CACNA2D1: variants seen among roughly 807,000 people sequenced by gnomAD.
The protein encoded by CACNA2D1 is voltage-dependent calcium channel subunit alpha-2/delta-1.
A neutral mutation model predicts 171.5 loss-of-function variants in CACNA2D1; 53 were observed. The observed-to-expected ratio is 0.31, with a 90% confidence interval of 0.25 to 0.39. The LOEUF is 0.39. Among genes scored for constraint, CACNA2D1 ranks in the 10% least tolerant of loss-of-function variants. The pLI is 1.00. For missense variants in CACNA2D1, 903 were observed against 1,299.8 expected (o/e 0.69, Z 4.69); for synonymous variants, 442 against 443.1 (o/e 1.00, Z 0.03).
chr7:82,192,088 A>T (rs1165832774), intron 3 of CACNA2D1, among the ~76,000 whole-genome samples: 1 of 151,728 alleles, frequency 6.6e-6, no homozygotes, highest in Non-Finnish European at 1.5e-5. Flanking sequence ...GTACTATCAG[A>T]TACATAACTT....
At position 81,957,335 on chromosome 7, in the gene CACNA2D1, T is replaced by A. The variant is rs374776039; in HGVS notation, c.3159+1940A>T. Reference sequence around the variant, plus strand: ...ATCAGCTATTTACAAAACAACAACATTGGTCCTGAGATTTTAATAACCTGG... The same window carrying A: ...ATCAGCTATTTACAAAACAACAACAATGGTCCTGAGATTTTAATAACCTGG... On this transcript the variant is annotated intron_variant, in intron 38 of 38. Transcript: ENST00000356860. 3.9e-5 allele frequency among the ~76,000 whole-genome samples: 6 copies of A among 152,200 alleles called. No homozygotes were observed. The South Asian group carries it at 1.0e-3, about 26-fold the overall frequency.
intron 1 of CACNA2D1, among the ~76,000 whole-genome samples, chr7:82,433,187 C>CAA (rs3216244): frequency 2.4e-5 from 3 of 122,962 alleles, no homozygotes; most frequent in Non-Finnish European, 3.5e-5. Flanking sequence ...GACTCCATCT[C>CAA]AAAAAAAAAA....
At chr7:82,368,086 C>T (rs977280689) in intron 1 of CACNA2D1, among the ~76,000 whole-genome samples, 1 of 152,110 alleles carries the variant, frequency 6.6e-6, no homozygotes, top group African/African-American at 2.4e-5. Flanking sequence ...CTCTGTCCCC[C>T]GACACCAGCT....
chr7:82,019,203 C>T (rs567404650), intron 12 of CACNA2D1, among the ~76,000 whole-genome samples: 60 of 151,830 alleles, frequency 4.0e-4, no homozygotes, highest in African/African-American at 1.3e-3. Flanking sequence ...ACCTGTAATC[C>T]CAGGTACTTG....
chr7:82,169,735 A>G (rs1461686658), intron 4 of CACNA2D1, among the ~76,000 whole-genome samples: 1 of 152,028 alleles, frequency 6.6e-6, no homozygotes, highest in Non-Finnish European at 1.5e-5. Context: ...GCAGTTGTTT[A>G]CATCCCCAAA....
chr7:82,030,691 C>T (rs953788363), intron 12 of CACNA2D1, among the ~76,000 whole-genome samples: 3 of 151,704 alleles, frequency 2.0e-5, no homozygotes, highest in East Asian at 1.9e-4. Context: ...ACACTTAGTA[C>T]CTATTAAAAT....
rs557917420 is a variant in CACNA2D1, at chr7:82,263,937, GT to G, written c.294+71197del. On this transcript the variant is annotated intron_variant, in intron 3 of 38. Transcript: ENST00000356860. ...GGCTATAAATAAACACATAATATGGGTTTTTTTTTTCCTCTGAAAATTTGGA... is the reference window on the plus strand; with the variant it reads ...GGCTATAAATAAACACATAATATGGGTTTTTTTTTCCTCTGAAAATTTGGA... Among the ~76,000 whole-genome samples, 597 of 148,960 alleles carry G rather than the reference GT, an allele frequency of 4.0e-3. 2 individuals carry two copies. Among genetic ancestry groups the G allele is most frequent in the Middle Eastern group, 0.014 (4 of 290 alleles).
intron 1 of CACNA2D1, among the ~76,000 whole-genome samples, chr7:82,384,824 T>C (rs73155184): frequency 0.22 from 33,273 of 152,132 alleles, 4,026 homozygotes; most frequent in South Asian, 0.37. Flanking sequence ...CAACAAAAAA[T>C]ATATCTCACT....
chr7:82,103,094 G>C (rs569058682), intron 6 of CACNA2D1, among the ~76,000 whole-genome samples: 2 of 152,198 alleles, frequency 1.3e-5, no homozygotes, highest in South Asian at 2.1e-4. Context: ...GATCACTTGA[G>C]GGCACGAGTT....
chr7:82,048,228 T>C (rs1388737448), intron 10 of CACNA2D1, among the ~76,000 whole-genome samples: 2 of 152,118 alleles, frequency 1.3e-5, no homozygotes, highest in East Asian at 1.9e-4. Context: ...TATATACATC[T>C]GGAAAACTTA....
At chr7:82,094,342 C>T (rs970374002) in intron 6 of CACNA2D1, among the ~76,000 whole-genome samples, 8 of 152,046 alleles carry the variant, frequency 5.3e-5, no homozygotes, top group African/African-American at 1.9e-4. Context: ...TCTAAGACAA[C>T]ATGAGGTTAA....
chr7:82,406,794 GT>G (rs1396015183), intron 1 of CACNA2D1, among the ~76,000 whole-genome samples: 1 of 152,058 alleles, frequency 6.6e-6, no homozygotes, highest in Non-Finnish European at 1.5e-5. Context: ...CTGGATATTA[GT>G]TTTGGGGACA....
intron 24 of CACNA2D1, among the ~76,000 whole-genome samples, chr7:81,979,230 G>A (rs1281712230): frequency 6.6e-6 from 1 of 151,954 alleles, no homozygotes; most frequent in African/African-American, 2.4e-5. Context: ...TCTTTATGAT[G>A]ATGAAAATGT....
intron 3 of CACNA2D1, among the ~76,000 whole-genome samples, chr7:82,324,537 G>C (rs191046775): frequency 4.5e-4 from 69 of 152,114 alleles, no homozygotes; most frequent in Non-Finnish European, 8.1e-4. Flanking sequence ...TCAAGAGGTC[G>C]TAAACACAGC....
intron 3 of CACNA2D1, among the ~76,000 whole-genome samples, chr7:82,231,634 T>C (rs1476073579): frequency 1.3e-5 from 2 of 152,120 alleles, no homozygotes; most frequent in Non-Finnish European, 2.9e-5. Flanking sequence ...AAAAATGTAC[T>C]AGATCAGATT....
At chr7:82,174,255 A>G (rs1285562620) in intron 3 of CACNA2D1, among the ~76,000 whole-genome samples, 1 of 151,948 alleles carries the variant, frequency 6.6e-6, no homozygotes, top group Admixed American at 6.6e-5. Context: ...ACTGAGCACC[A>G]CACAGAAATA....
At chr7:82,214,414 G>T (rs77405380) in intron 3 of CACNA2D1, among the ~76,000 whole-genome samples, 5 of 151,138 alleles carry the variant, frequency 3.3e-5, no homozygotes, top group African/African-American at 1.2e-4. Context: ...AGTTTCCTTC[G>T]GGGAAGGAGC....
chr7:82,013,031 G>A (rs1183231876), intron 14 of CACNA2D1, among the ~76,000 whole-genome samples: 3 of 151,834 alleles, frequency 2.0e-5, no homozygotes, highest in Non-Finnish European at 4.4e-5. Context: ...AGATCCACAG[G>A]GGTTATTTGG....
intron 10 of CACNA2D1, among the ~76,000 whole-genome samples, chr7:82,043,566 T>C (rs1804201223): frequency 6.6e-6 from 1 of 152,212 alleles, no homozygotes; most frequent in South Asian, 2.1e-4. Flanking sequence ...AAACTTCTTA[T>C]TAAATATCCC....
Sources: allele counts gnomAD v4.1 joint callset (sites outside exome capture counted in the v4.1 genomes callset), GRCh38; gene constraint gnomAD v4.1.1; transcripts MANE v1.5; gene names NCBI Gene and HGNC (gene_info 2026-07-23, HGNC 2026-07-21).